The following AFG2A variants were observed in gnomAD, a reference collection of about 807,000 sequenced individuals.
AFG2A encodes AAA ATPase AFG2A.
chr4:123,076,820 A>G, the AFG2A span, among the ~76,000 whole-genome samples: 1 of 152,048 alleles, frequency 6.6e-6, no homozygotes, highest in Non-Finnish European at 1.5e-5. Context: ...AGTACTATCT[A>G]CTATCTACTG....
At chr4:123,065,053 A>G in the AFG2A span, among the ~76,000 whole-genome samples, 198 of 152,322 alleles carry the variant, frequency 1.3e-3, 5 homozygotes, top group East Asian at 0.034. Flanking sequence ...TATATTGACT[A>G]TAGAGCAGAT....
the AFG2A span, among the ~76,000 whole-genome samples, chr4:123,102,798 C>CTGTGTGTG: frequency 0.04 from 5,689 of 141,146 alleles, 107 homozygotes; most frequent in South Asian, 0.058. Flanking sequence ...TCCTGGCATT[C>CTGTGTGTG]TGTGTGTGTG....
At chr4:122,990,781 G>T in the AFG2A span, among the ~76,000 whole-genome samples, 2 of 152,182 alleles carry the variant, frequency 1.3e-5, no homozygotes, top group Non-Finnish European at 2.9e-5. Context: ...TAGAGACGAG[G>T]TCTTGCTTTG....
chr4:123,103,825 A>G, the AFG2A span, among the ~76,000 whole-genome samples: 2 of 152,166 alleles, frequency 1.3e-5, no homozygotes, highest in Non-Finnish European at 1.5e-5. Flanking sequence ...AAAAGGAACA[A>G]ATTATTGATA....
the AFG2A span, among the ~76,000 whole-genome samples, chr4:123,139,835 G>A: frequency 1.3e-5 from 2 of 151,970 alleles, no homozygotes; most frequent in Non-Finnish European, 2.9e-5. Context: ...AATCATTCAA[G>A]TTCTACATTC....
chr4:122,983,143 G>A, the AFG2A span, among the ~76,000 whole-genome samples: 1 of 151,982 alleles, frequency 6.6e-6, no homozygotes, highest in Non-Finnish European at 1.5e-5. Flanking sequence ...TAGGATTACA[G>A]GTGTGAGCAC....
At chr4:123,292,876 T>G in the AFG2A span, among the ~76,000 whole-genome samples, 2 of 152,170 alleles carry the variant, frequency 1.3e-5, no homozygotes, top group African/African-American at 4.8e-5. Flanking sequence ...AGCTGCAGCT[T>G]AAGCAGATGG....
At chr4:123,102,979 G>A in the AFG2A span, among the ~76,000 whole-genome samples, 7 of 152,010 alleles carry the variant, frequency 4.6e-5, no homozygotes, top group South Asian at 4.2e-4. Flanking sequence ...TGACACATGC[G>A]TCAGAATAAG....
chr4:123,221,740 CATGG>C, the AFG2A span, among the ~76,000 whole-genome samples: 1 of 152,036 alleles, frequency 6.6e-6, no homozygotes, highest in East Asian at 1.9e-4. Context: ...GCCTGGCCAA[CATGG>C]TGAAACCCCG....
the AFG2A span, among the ~76,000 whole-genome samples, chr4:123,082,073 G>C: frequency 6.6e-6 from 1 of 152,150 alleles, no homozygotes; most frequent in Non-Finnish European, 1.5e-5. Flanking sequence ...CTCCCAGTCT[G>C]TGGCTTGCCT....
the AFG2A span, among the ~76,000 whole-genome samples, chr4:123,059,658 A>C: frequency 2.7e-5 from 4 of 150,894 alleles, no homozygotes; most frequent in East Asian, 7.8e-4. Flanking sequence ...TAGTCCTTTG[A>C]GTATATACCC....
At chr4:123,278,401 C>T in the AFG2A span, among the ~76,000 whole-genome samples, 5 of 152,182 alleles carry the variant, frequency 3.3e-5, no homozygotes, top group South Asian at 1.0e-3. Flanking sequence ...TTCAAAGAAG[C>T]TACTCCTGGA....
At chr4:122,952,232 T>A in the AFG2A span, among the ~76,000 whole-genome samples, 19 of 152,288 alleles carry the variant, frequency 1.2e-4, no homozygotes, top group Admixed American at 7.2e-4. Flanking sequence ...CATATGTATG[T>A]CTCTGCCTTT....
the AFG2A span, among the ~76,000 whole-genome samples, chr4:122,976,085 A>G: frequency 6.6e-6 from 1 of 152,212 alleles, no homozygotes; most frequent in Non-Finnish European, 1.5e-5. Context: ...GTATCATTTT[A>G]ATTTAGTAAA....
chr4:122,939,129 A>G, the AFG2A span, among the ~76,000 whole-genome samples: 1 of 112,000 alleles, frequency 8.9e-6, no homozygotes, highest in Non-Finnish European at 1.7e-5. Flanking sequence ...CTTGTTGCCC[A>G]GGCTGGAGTG....
chr4:123,015,908 G>GCT, the AFG2A span, among the ~76,000 whole-genome samples: 1 of 52,618 alleles, frequency 1.9e-5, no homozygotes, highest in Non-Finnish European at 5.4e-5. Flanking sequence ...CGGGCAGAGG[G>GCT]GCTCCTCACT....
chr4:123,113,401 C>T, the AFG2A span, among the ~76,000 whole-genome samples: 3 of 135,342 alleles, frequency 2.2e-5, no homozygotes, highest in Non-Finnish European at 4.9e-5. Context: ...CTGTCAGAGC[C>T]TTTGCTCACT....
At chr4:122,966,198 G>T in the AFG2A span, among the ~76,000 whole-genome samples, 2 of 152,150 alleles carry the variant, frequency 1.3e-5, no homozygotes, top group Admixed American at 1.3e-4. Flanking sequence ...ATAGAGTCCA[G>T]AATCAATACT....
At chr4:123,312,602 C>T in the AFG2A span, among the ~76,000 whole-genome samples, 4 of 152,212 alleles carry the variant, frequency 2.6e-5, no homozygotes, top group South Asian at 2.1e-4. Flanking sequence ...TTCAAAAGAG[C>T]TCTTTTTGCA....
Sources: allele counts gnomAD v4.1 joint callset (sites outside exome capture counted in the v4.1 genomes callset), GRCh38; gene constraint gnomAD v4.1.1; transcripts MANE v1.5; gene names NCBI Gene and HGNC (gene_info 2026-07-23, HGNC 2026-07-21).